The following WDR46 variants were observed in gnomAD, a reference collection of about 807,000 sequenced individuals.
WDR46 encodes WD repeat-containing protein 46.
A neutral mutation model predicts 74.7 loss-of-function variants in WDR46; 58 were observed. That is an observed-to-expected ratio of 0.78 (90% CI 0.63 to 0.97). The LOEUF is 0.97. Among genes scored for constraint, WDR46 ranks in the 50% least tolerant of loss-of-function variants. The pLI, the probability that WDR46 is intolerant of heterozygous loss-of-function variation, is 0.00. For missense variants in WDR46, 702 were observed against 790.1 expected, an observed-to-expected ratio of 0.89 and a Z score of 1.34; for synonymous variants, 278 against 297.3, an observed-to-expected ratio of 0.93 and a Z score of 0.67.
At chr6:33,287,792 C>A (rs1167055110) in intron 6 of WDR46, 74 bp from the exon 7 acceptor site, 1 of 1,566,416 alleles carries the variant, frequency 6.4e-7, no homozygotes, top group Admixed American at 1.7e-5. Flanking sequence ...GTCTGCCCCA[C>A]GCCAGCCCCA....
At chr6:33,279,681 G>T in intron 13 of WDR46, 71 bp from the exon 14 acceptor site, 2 of 1,612,014 alleles carry the variant, frequency 1.2e-6, no homozygotes, top group South Asian at 2.2e-5. Context: ...CCACCTGCTG[G>T]CCGCACTTCT....
Position 33,279,364 on chromosome 6 carries a change from C to T in WDR46, c.1745G>A (p.Arg582Gln), listed in dbSNP as rs776304058. ...VMDEEHRDKV[R>Q]QSLQQQHHKE... is the part of the protein sequence containing the mutation. ...ATGATGCTGCTGCTGAAGGCTCTGC[C>T]GGACCTTGTCCTGGGGACCGGAGAC... Residue 582 changes from arginine (R) to glutamine (Q), a missense_variant, in exon 15 of 15, where the codon CGG becomes CAG. By Grantham distance (43) the Arg-to-Gln change is conservative. Coordinates refer to ENST00000374617, the MANE Select transcript of WDR46 (RefSeq NM_005452.6). 68 of 1,613,888 alleles carry T rather than the reference C, an allele frequency of 4.2e-5. No individual in the cohort carries two copies. Among genetic ancestry groups the T allele is most frequent in the Admixed American group, 1.0e-4 (6 of 60,014 alleles).
chr6:33,284,663 G>C, intron 10 of WDR46: 1 of 153,638 alleles, frequency 6.5e-6, no homozygotes, highest in Non-Finnish European at 1.5e-5. Context: ...GTAAACTACT[G>C]CCCATGGGCC....
At chr6:33,286,752 G>T (rs201801274) in intron 10 of WDR46, 43 bp downstream of exon 10, 540 of 1,579,688 alleles carry the variant, frequency 3.4e-4, no homozygotes, top group Non-Finnish European at 3.0e-4. Context: ...ACACCTTTCT[G>T]CCCACCTATG....
At chr6:33,281,396 A>T (rs898925685) in intron 10 of WDR46, among the ~76,000 whole-genome samples, 1 of 152,204 alleles carries the variant, frequency 6.6e-6, no homozygotes, top group Non-Finnish European at 1.5e-5. Flanking sequence ...GAGCATGTGC[A>T]GTGGTCAGAA....
intron 6 of WDR46, 93 bp from the exon 7 acceptor site, chr6:33,287,811 G>A (rs771934664): frequency 3.8e-5 from 59 of 1,539,838 alleles, no homozygotes; most frequent in Non-Finnish European, 5.2e-5. Flanking sequence ...CATCTCTCCA[G>A]GCGGGCAGAC....
chr6:33,286,380 G>T (rs569660369), intron 10 of WDR46, among the ~76,000 whole-genome samples: 7 of 152,268 alleles, frequency 4.6e-5, no homozygotes, highest in Admixed American at 3.9e-4. Context: ...CTGAGAGGTG[G>T]AGGTTGCAGT....
At chr6:33,281,633 C>T (rs1351974706) in intron 10 of WDR46, among the ~76,000 whole-genome samples, 1 of 152,158 alleles carries the variant, frequency 6.6e-6, no homozygotes, top group African/African-American at 2.4e-5. Flanking sequence ...ATGATCCCAA[C>T]ATTGCTCTCT....
intron 10 of WDR46, chr6:33,284,512 CAGACCTGG>C (rs1581676882): frequency 1.3e-5 from 2 of 153,830 alleles, no homozygotes; most frequent in South Asian, 2.1e-4. Flanking sequence ...TCACATCAGC[CAGACCTGG>C]AGAGAACGAT....
Position 33,289,229 on chromosome 6 carries a change from C to A in WDR46, c.-59G>T. 1 of 1,572,192 alleles carries A rather than the reference C, an allele frequency of 6.4e-7. No individual in the cohort carries two copies. Among genetic ancestry groups the A allele is most frequent in the South Asian group, 1.2e-5 (1 of 86,660 alleles). ...CTCCTCTCAGCTGCCACACAGTCGG[C>A]TTGAAAACTCCCGGAAGCCCTCTGT... On this transcript the variant is annotated 5_prime_UTR_variant, in exon 1 of 15. Coordinates refer to ENST00000374617, the MANE Select transcript of WDR46 (RefSeq NM_005452.6).
Position 33,280,864 on chromosome 6 carries a change from T to G in WDR46, c.1239A>C (p.Gly413=). ...CGTCACCCATTCCCGCCACCAGCAG[T>G]CCCCTCTGGGAGAAGGCCAGGTGCC... ...GAGHLAFSQR[G]LLVAGMGDVV... Residue 413 remains glycine (G), a synonymous_variant, in exon 11 of 15, where the codon GGA becomes GGC. Transcript: ENST00000374617. 1 of 1,614,146 alleles carries G rather than the reference T, an allele frequency of 6.2e-7. No homozygotes were observed. Among genetic ancestry groups the G allele is most frequent in the East Asian group, 2.2e-5 (1 of 44,874 alleles).
rs72655907 is a variant in WDR46, at chr6:33,280,392, G to C, written c.1524+36C>G. 6.3e-5 allele frequency: 98 copies of C among 1,549,356 alleles called. No individual in the cohort carries two copies. In the African/African-American group the frequency reaches 1.1e-3, roughly 18 times the overall value. ...GGGAACCTGACCCTCTCCAGCAATG[G>C]GGGGGATCTCACCCTCTCCAGCAGG... On this transcript the variant is annotated intron_variant, in intron 12 of 14. Coordinates refer to ENST00000374617, the MANE Select transcript of WDR46 (RefSeq NM_005452.6).
At position 33,288,046 on chromosome 6, in the gene WDR46, A is replaced by G; in HGVS notation, c.562-20T>C. The G allele has an allele frequency of 6.2e-7, 1 of 1,614,126 alleles. No individual in the cohort carries two copies. The highest frequency in any genetic ancestry group is 2.2e-5 in the East Asian group (1 of 44,882). On this transcript the variant is annotated intron_variant, in intron 5 of 14. Transcript: ENST00000374617. ...AAAGTGCTGGGAAAGAGAAGAGTGA[A>G]AAAAAAGAGTGCCCTGCAGTAACGC...
rs553244537 is a variant in WDR46, at chr6:33,280,265, G to T, written c.1524+163C>A. Among the ~76,000 whole-genome samples, 264 of 149,796 alleles carry T rather than the reference G, an allele frequency of 1.8e-3. 2 individuals carry two copies. The highest frequency in any genetic ancestry group is 6.2e-3 in the African/African-American group (250 of 40,488). ...GAGGAAACCTTACCTTCTCCAGCAG[G>T]GGGGAACCTGACCTTCTCCAGCAGT... On this transcript the variant is annotated intron_variant, in intron 12 of 14. Coordinates refer to ENST00000374617, the MANE Select transcript of WDR46 (RefSeq NM_005452.6).
chr6:33,283,247 G>A (rs938001554), intron 10 of WDR46, among the ~76,000 whole-genome samples: 2 of 152,006 alleles, frequency 1.3e-5, no homozygotes, highest in Non-Finnish European at 2.9e-5. Context: ...CAGGGAGCGG[G>A]TGGTGGGGGG....
rs762572071 is a variant in WDR46 at position 33,280,933 on chromosome 6, C to T, written c.1170G>A (p.Gly390=). Residue 390 remains glycine (G), a synonymous_variant, in exon 11 of 15, where the codon GGG becomes GGA. Coordinates refer to ENST00000374617, the MANE Select transcript of WDR46 (RefSeq NM_005452.6). ...DHQLKIFDLR[G]TYQPLSTRTL... Reference sequence around the variant, plus strand: ...TCCGAGTGCTCAGAGGCTGGTACGTCCCTCGCAAGTCAAAGATCTTCAGCT... The same window carrying T: ...TCCGAGTGCTCAGAGGCTGGTACGTTCCTCGCAAGTCAAAGATCTTCAGCT... 6.2e-7 allele frequency: 1 copy of T among 1,613,818 alleles called. No individual in the cohort carries two copies. The highest frequency in any genetic ancestry group is 2.2e-5 in the East Asian group (1 of 44,874).
chr6:33,279,964 GC>G (rs1765982079), intron 12 of WDR46, 105 bp from the exon 13 acceptor site: 2 of 1,059,938 alleles, frequency 1.9e-6, no homozygotes, highest in African/African-American at 3.2e-5. Context: ...AAGACCCCCA[GC>G]ATGAGACATC....
rs749499526 is a variant in WDR46, at chr6:33,288,888, C to A, written c.195G>T (p.Lys65Asn). 6.2e-7 allele frequency: 1 copy of A among 1,614,074 alleles called. No individual in the cohort carries two copies. The highest frequency in any genetic ancestry group is 1.1e-5 in the South Asian group (1 of 91,060). The change falls in exon 2 of 15, where the codon AAG becomes AAT. Residue 65 changes from lysine to asparagine, a missense_variant. Transcript: ENST00000374617. Reference protein sequence around the residue: ...PQRPKNAYILKKSRISKKPQV... With the variant: ...PQRPKNAYILNKSRISKKPQV... ...GAGGCTTCTTAGAGATCCGAGACTT[C>A]TTTAAGATGTAAGCATTTTTTGGTC...
rs1581686757 is a variant in WDR46 at position 33,287,701 on chromosome 6, C to T, written c.641G>A (p.Gly214Glu). Reference protein sequence around the residue: ...SRTGRHLAFGGRRGHVAALDW... With the variant: ...SRTGRHLAFGERRGHVAALDW... The stretch of plus-strand genomic sequence containing the variant: ...AAGGGCAGCCACATGACCTCGGCGC[C>T]CTCCAAAAGCCAGGTGTCTGTTGGA... Residue 214 changes from glycine to glutamate, a missense_variant, in exon 7 of 15, where the codon GGG becomes GAG. By Grantham distance (98) the Gly-to-Glu change is moderately conservative. Coordinates refer to ENST00000374617, the MANE Select transcript of WDR46 (RefSeq NM_005452.6). 1 of 1,613,914 alleles carries T rather than the reference C, an allele frequency of 6.2e-7. No individual in the cohort carries two copies. Among genetic ancestry groups the T allele is most frequent in the Non-Finnish European group, 8.5e-7 (1 of 1,179,998 alleles).
Sources: allele counts gnomAD v4.1 joint callset (sites outside exome capture counted in the v4.1 genomes callset), GRCh38; gene constraint gnomAD v4.1.1; transcripts MANE v1.5; gene names NCBI Gene and HGNC (gene_info 2026-07-23, HGNC 2026-07-21).